The following ADGRL3 variants were observed in gnomAD, a reference collection of about 807,000 sequenced individuals.
ADGRL3 encodes calcium-independent alpha-latrotoxin receptor 3.
In ADGRL3, 62 loss-of-function variants were observed where a neutral mutation model predicts 153.5. The observed-to-expected ratio is 0.40, with a 90% CI of 0.33 to 0.50. The LOEUF (loss-of-function observed/expected upper bound fraction) is 0.50. ADGRL3 is among the 20% of genes least tolerant of loss of function. The pLI, the probability that ADGRL3 is intolerant of heterozygous loss-of-function variation, is 0.47. For missense variants in ADGRL3, 1,641 were observed against 1,859.4 expected (o/e 0.88, Z 2.16); for synonymous variants, 710 against 672.5 (o/e 1.06, Z -0.86).
At position 61,892,706 on chromosome 4, in the gene ADGRL3, A is replaced by T. The variant is rs753541050; in HGVS notation, c.1531A>T (p.Thr511Ser). Residue 511 changes from threonine (T) to serine (S), a missense_variant, in exon 10 of 27, where the codon ACC becomes TCC. By Grantham distance (58) the Thr-to-Ser change is moderately conservative. Around this residue, in one of 5 missense-constraint regions of ADGRL3, gnomAD observed 734 missense variants for 797.0 expected, o/e 0.92. Transcript: ENST00000683033. The stretch of plus-strand genomic sequence containing the variant: ...CATGGGAAGCACTACCACCAGTACC[A>T]CCCTTCGGACCACAACTTTGAGCCC... ...LGMGSTTTST[T>S]LRTTTLSPGR... is the part of the protein sequence containing the mutation. The T allele has an allele frequency of 6.2e-7, 1 of 1,613,864 alleles. No homozygotes were observed. Among genetic ancestry groups the T allele is most frequent in the South Asian group, 1.1e-5 (1 of 91,070 alleles).
chr4:61,796,802 A>G (rs1207057340), intron 8 of ADGRL3, among the ~76,000 whole-genome samples: 1 of 152,212 alleles, frequency 6.6e-6, no homozygotes, highest in Non-Finnish European at 1.5e-5. Context: ...ACATTAATGA[A>G]TCTAACTGTA....
intron 2 of ADGRL3, among the ~76,000 whole-genome samples, chr4:61,484,009 T>A (rs981679069): frequency 2.6e-5 from 4 of 151,996 alleles, no homozygotes; most frequent in African/African-American, 9.7e-5. Context: ...ATTCTGCTCA[T>A]ATATTTAAAG....
At chr4:61,400,812 A>G in intron 2 of ADGRL3, among the ~76,000 whole-genome samples, 1 of 73,158 alleles carries the variant, frequency 1.4e-5, no homozygotes, top group African/African-American at 3.7e-5. Context: ...GTGCAGCTAA[A>G]GTTACAAAAA....
intron 1 of ADGRL3, among the ~76,000 whole-genome samples, chr4:61,210,430 C>T (rs1211715731): frequency 1.3e-5 from 2 of 152,034 alleles, no homozygotes; most frequent in Non-Finnish European, 2.9e-5. Flanking sequence ...GACTCAAGCC[C>T]AGTTTTTGAT....
chr4:61,699,137 G>A (rs1395049027), intron 6 of ADGRL3, among the ~76,000 whole-genome samples: 6 of 152,174 alleles, frequency 3.9e-5, no homozygotes, highest in African/African-American at 7.2e-5. Context: ...CCAGGCAGCC[G>A]AAATAGATGC....
chr4:62,071,389 A>G lies in ADGRL3; in HGVS notation c.*481A>G, dbSNP rs10007343. 3,573 of 168,330 alleles carry G rather than the reference A, an allele frequency of 0.021. 152 individuals carry two copies. Among genetic ancestry groups the G allele is most frequent in the African/African-American group, 0.082 (3,435 of 41,672 alleles). The allele number at this position is 168,330 out of a possible 1,614,324, so 10.4% of individuals were successfully genotyped here. On this transcript the variant is annotated 3_prime_UTR_variant, in exon 27 of 27. Transcript: ENST00000683033. Reference sequence around the variant, plus strand: ...TATCACATAGGGTTTTTGGTCACTCACAACCTGAATTCACCACAGCTGGAA... The same window carrying G: ...TATCACATAGGGTTTTTGGTCACTCGCAACCTGAATTCACCACAGCTGGAA...
At chr4:61,996,085 C>A (rs966047426) in intron 19 of ADGRL3, among the ~76,000 whole-genome samples, 2 of 151,954 alleles carry the variant, frequency 1.3e-5, no homozygotes, top group Non-Finnish European at 2.9e-5. Context: ...TTCCTGCTTC[C>A]TCCAGGGCTA....
At chr4:61,461,009 T>G (rs1334422640) in intron 2 of ADGRL3, among the ~76,000 whole-genome samples, 4 of 152,006 alleles carry the variant, frequency 2.6e-5, no homozygotes, top group South Asian at 2.1e-4. Context: ...GGCAGAGGTT[T>G]CAGTGAGTGG....
intron 5 of ADGRL3, among the ~76,000 whole-genome samples, chr4:61,598,742 G>T (rs2098999324): frequency 6.6e-6 from 1 of 152,040 alleles, no homozygotes; most frequent in African/African-American, 2.4e-5. Context: ...TTAATTTCAT[G>T]AAAAAATGTT....
At chr4:61,855,048 T>C (rs1251432869) in intron 9 of ADGRL3, among the ~76,000 whole-genome samples, 1 of 152,078 alleles carries the variant, frequency 6.6e-6, no homozygotes, top group East Asian at 1.9e-4. Context: ...CAACTGAATA[T>C]AATGTAGTAT....
chr4:61,861,316 A>T (rs1202113157), intron 9 of ADGRL3, among the ~76,000 whole-genome samples: 1 of 152,196 alleles, frequency 6.6e-6, no homozygotes, highest in Admixed American at 6.5e-5. Context: ...TAAATCAAAT[A>T]ACCTGGGTTA....
intron 4 of ADGRL3, among the ~76,000 whole-genome samples, chr4:61,557,314 A>T (rs1255525252): frequency 1.3e-5 from 2 of 152,158 alleles, no homozygotes; most frequent in East Asian, 3.9e-4. Flanking sequence ...TAGCAGGAAC[A>T]CTCATACAAA....
chr4:61,929,951 G>A (rs935890822), intron 13 of ADGRL3, among the ~76,000 whole-genome samples: 2 of 152,186 alleles, frequency 1.3e-5, no homozygotes, highest in East Asian at 1.9e-4. Flanking sequence ...CGAGGCAGGC[G>A]GATCATGAGG....
At chr4:61,261,183 CTTCTTCTTTTTTTTTTTTTTTT>C (rs2092480278) in intron 1 of ADGRL3, among the ~76,000 whole-genome samples, 1 of 70,280 alleles carries the variant, frequency 1.4e-5, no homozygotes. Flanking sequence ...TCTTTTTCAT[CTTCTTCTTTTTTTTTTTTTTTT>C]TTTTTTAAAG....
At chr4:61,362,990 A>G (rs866169667) in intron 1 of ADGRL3, among the ~76,000 whole-genome samples, 59 of 152,344 alleles carry the variant, frequency 3.9e-4, no homozygotes, top group South Asian at 8.3e-4. Context: ...GATTCAAAGC[A>G]TACCATATTG....
chr4:61,875,658 T>C (rs1168151620), intron 9 of ADGRL3, among the ~76,000 whole-genome samples: 1 of 152,226 alleles, frequency 6.6e-6, no homozygotes, highest in Admixed American at 6.5e-5. Context: ...AGCAAGGTGA[T>C]ACAAATATTG....
At chr4:61,984,910 G>A (rs765223055) in intron 19 of ADGRL3, among the ~76,000 whole-genome samples, 2 of 152,092 alleles carry the variant, frequency 1.3e-5, no homozygotes, top group African/African-American at 2.4e-5. Flanking sequence ...ATTAACTTAC[G>A]TGATAATCAT....
chr4:62,045,663 G>A (rs181212286), intron 25 of ADGRL3, among the ~76,000 whole-genome samples: 4 of 151,890 alleles, frequency 2.6e-5, no homozygotes, highest in African/African-American at 9.6e-5. Context: ...TTTGATGCAG[G>A]GATCCATGTT....
intron 17 of ADGRL3, among the ~76,000 whole-genome samples, chr4:61,963,590 A>T (rs865905734): frequency 6.6e-6 from 1 of 152,252 alleles, no homozygotes; most frequent in South Asian, 2.1e-4. Context: ...AAAGGACTTG[A>T]TTTTATTCTT....
Sources: allele counts gnomAD v4.1 joint callset (sites outside exome capture counted in the v4.1 genomes callset), GRCh38; gene constraint gnomAD v4.1.1; regional missense constraint gnomAD v4.1.1; transcripts MANE v1.5; gene names NCBI Gene and HGNC (gene_info 2026-07-23, HGNC 2026-07-21).